The following RBFOX1 variants were observed in gnomAD, a reference collection of about 807,000 sequenced individuals.
The protein encoded by RBFOX1 is RNA binding protein fox-1 homolog 1.
A neutral mutation model predicts 57.7 loss-of-function variants in RBFOX1; 8 were observed. The observed-to-expected ratio is 0.14, with a 90% CI of 0.08 to 0.25. RBFOX1 has a LOEUF of 0.25. Among genes scored for constraint, RBFOX1 ranks in the 10% least tolerant of loss-of-function variants. The pLI is 1.00. For missense variants in RBFOX1, 611 were observed against 548.5 expected (o/e 1.11, Z -1.14); for synonymous variants, 326 against 222.4 (o/e 1.47, Z -4.15).
At chr16:7,587,322 A>G in intron 7 of RBFOX1, 22 bp downstream of exon 7, 1 of 1,524,482 alleles carries the variant, frequency 6.6e-7, no homozygotes, top group Non-Finnish European at 8.8e-7. Flanking sequence ...AATTCACTTT[A>G]GAATTGTTTA....
At chr16:6,423,673 G>C (rs534281855) in intron 2 of RBFOX1, among the ~76,000 whole-genome samples, 2 of 152,258 alleles carry the variant, frequency 1.3e-5, no homozygotes, top group African/African-American at 2.4e-5. Flanking sequence ...GAAAGACCAA[G>C]AGCAAGACAC....
intron 4 of RBFOX1, among the ~76,000 whole-genome samples, chr16:7,391,461 C>A (rs527629933): frequency 1.3e-5 from 2 of 152,234 alleles, no homozygotes; most frequent in African/African-American, 4.8e-5. Context: ...CACATCTGGA[C>A]TTCTTTCCTC....
Position 6,557,500 on chromosome 16 carries a change from G to A in RBFOX1, c.-63-97103G>A, listed in dbSNP as rs146332002. Among the ~76,000 whole-genome samples, 681 of 152,146 alleles carry A rather than the reference G, an allele frequency of 4.5e-3. 3 individuals are homozygous for A. The highest frequency in any genetic ancestry group is 0.014 in the Middle Eastern group (4 of 294). ...TTGTGATTTAACATCCTTTTTCACA[G>A]TCTGCAGTAATATATGGAATTACTA... On this transcript the variant is annotated intron_variant, in intron 2 of 15. Coordinates refer to ENST00000550418, the MANE Select transcript of RBFOX1 (RefSeq NM_018723.4).
chr16:5,380,970 G>A (rs2066115397), intron 1 of RBFOX1, among the ~76,000 whole-genome samples: 2 of 152,234 alleles, frequency 1.3e-5, no homozygotes, highest in South Asian at 4.1e-4. Context: ...TTGAGGTTTG[G>A]CAATAAAGAT....
intron 2 of RBFOX1, among the ~76,000 whole-genome samples, chr16:6,474,070 C>T (rs1183770757): frequency 6.6e-6 from 1 of 152,072 alleles, no homozygotes; most frequent in African/African-American, 2.4e-5. Flanking sequence ...TTACTGCAAA[C>T]TGTGGGTCAG....
intron 3 of RBFOX1, among the ~76,000 whole-genome samples, chr16:5,805,195 A>G (rs1186694109): frequency 1.3e-5 from 2 of 152,174 alleles, no homozygotes; most frequent in Non-Finnish European, 2.9e-5. Context: ...TGAACAGTAA[A>G]TGAAACACTG....
intron 4 of RBFOX1, among the ~76,000 whole-genome samples, chr16:7,171,826 T>A (rs1202768074): frequency 2.0e-5 from 3 of 152,224 alleles, no homozygotes; most frequent in Non-Finnish European, 4.4e-5. Context: ...TTTTTAGCTA[T>A]AAAATTTTGC....
chr16:5,314,269 A>G (rs2064171159), intron 1 of RBFOX1, among the ~76,000 whole-genome samples: 1 of 152,194 alleles, frequency 6.6e-6, no homozygotes, highest in Non-Finnish European at 1.5e-5. Context: ...CCCAACAGAT[A>G]ACCAGCCTTT....
intron 3 of RBFOX1, among the ~76,000 whole-genome samples, chr16:6,693,840 C>T (rs1286791711): frequency 6.6e-6 from 1 of 152,236 alleles, no homozygotes; most frequent in Non-Finnish European, 1.5e-5. Context: ...TCACCACCAT[C>T]ATCCTTATTC....
chr16:5,301,618 C>CAAAAAAA (rs60501583), intron 1 of RBFOX1, among the ~76,000 whole-genome samples: 17 of 86,900 alleles, frequency 2.0e-4, no homozygotes, highest in South Asian at 5.0e-4. Flanking sequence ...GTCTCCATCT[C>CAAAAAAA]AAAAAAAAAA....
At chr16:6,947,224 T>G in intron 3 of RBFOX1, among the ~76,000 whole-genome samples, 1 of 152,158 alleles carries the variant, frequency 6.6e-6, no homozygotes, top group East Asian at 1.9e-4. Flanking sequence ...CTTTTAGGAA[T>G]TGGCCAAAAT....
At chr16:6,633,202 C>T (rs1220124489) in intron 2 of RBFOX1, among the ~76,000 whole-genome samples, 1 of 152,162 alleles carries the variant, frequency 6.6e-6, no homozygotes, top group African/African-American at 2.4e-5. Flanking sequence ...CTACTTACAT[C>T]CTCACATCAG....
chr16:5,248,599 A>T (rs1379509743), intron 1 of RBFOX1, among the ~76,000 whole-genome samples: 3 of 151,908 alleles, frequency 2.0e-5, no homozygotes, highest in Admixed American at 6.6e-5. Flanking sequence ...AGGGCCGTGG[A>T]GCGCTTGGGG....
chr16:6,039,365 A>AG (rs1555483858), intron 1 of RBFOX1, among the ~76,000 whole-genome samples: 1 of 145,088 alleles, frequency 6.9e-6, no homozygotes, highest in Non-Finnish European at 1.5e-5. Context: ...AAAAAAAAAA[A>AG]CAGAACAAAA....
chr16:7,116,199 C>T (rs1261552012), intron 4 of RBFOX1, among the ~76,000 whole-genome samples: 1 of 152,126 alleles, frequency 6.6e-6, no homozygotes, highest in Non-Finnish European at 1.5e-5. Flanking sequence ...CATCTTAGGT[C>T]TCAGTTCATT....
At chr16:7,251,327 G>T (rs916227608) in intron 4 of RBFOX1, among the ~76,000 whole-genome samples, 1 of 151,624 alleles carries the variant, frequency 6.6e-6, no homozygotes, top group Non-Finnish European at 1.5e-5. Flanking sequence ...TTCATCCACA[G>T]TGTTGCAGTT....
At chr16:7,166,895 A>G (rs1330195577) in intron 4 of RBFOX1, among the ~76,000 whole-genome samples, 2 of 147,042 alleles carry the variant, frequency 1.4e-5, no homozygotes, top group African/African-American at 5.1e-5. Context: ...AGCCACCAGT[A>G]GCCTTGCTCT....
chr16:5,290,604 A>T (rs543953132), intron 1 of RBFOX1, among the ~76,000 whole-genome samples: 1 of 152,246 alleles, frequency 6.6e-6, no homozygotes, highest in African/African-American at 2.4e-5. Flanking sequence ...ACACTTAAGG[A>T]GAGGCCTAGG....
intron 4 of RBFOX1, among the ~76,000 whole-genome samples, chr16:5,982,788 C>T (rs1410805541): frequency 6.6e-6 from 1 of 152,210 alleles, no homozygotes; most frequent in Non-Finnish European, 1.5e-5. Context: ...ATGGTTACTT[C>T]CCATTTCTCT....
Sources: gnomAD v4.1 joint callset for allele counts (sites outside exome capture counted in the v4.1 genomes callset) on GRCh38, gnomAD v4.1.1 for gene constraint, MANE v1.5 for transcripts, NCBI Gene and HGNC (gene_info 2026-07-23, HGNC 2026-07-21) for gene names.